Variants in PHF24 observed in about 807,000 individuals in gnomAD.
The protein encoded by PHF24 is Galpha inhibitory interacting protein.
PHF24 carries 25 observed loss-of-function variants against 42.6 expected under a neutral mutation model. That is an observed-to-expected ratio of 0.59 (90% CI 0.43 to 0.82). The LOEUF (loss-of-function observed/expected upper bound fraction) is 0.82. Among genes scored for constraint, PHF24 ranks in the 40% least tolerant of loss-of-function variants. The pLI is 0.00. For synonymous variants in PHF24, 185 were observed against 204.8 expected (o/e 0.90, Z 0.83); for missense variants, 470 against 538.1 (o/e 0.87, Z 1.25).
the PHF24 span, chr9:34,728,572 C>G: frequency 6.5e-7 from 1 of 1,544,824 alleles, no homozygotes; most frequent in Non-Finnish European, 8.8e-7. Context: ...GAAACACCCA[C>G]AGTGGAAGGG....
chr9:34,875,907 T>TACAC, the PHF24 span, among the ~76,000 whole-genome samples: 43 of 116,258 alleles, frequency 3.7e-4, 1 homozygote, highest in South Asian at 3.4e-3. Context: ...CTCTCTCTCT[T>TACAC]ACACACACAC....
chr9:34,699,100 C>T, the PHF24 span, among the ~76,000 whole-genome samples: 1 of 152,226 alleles, frequency 6.6e-6, no homozygotes, highest in Admixed American at 6.5e-5. Flanking sequence ...TGGATGTGCA[C>T]AGCAGCATTC....
At chr9:34,814,487 A>G in the PHF24 span, among the ~76,000 whole-genome samples, 3 of 152,188 alleles carry the variant, frequency 2.0e-5, no homozygotes, top group Non-Finnish European at 4.4e-5. Context: ...TGAGTCCCCA[A>G]AGTTCAGTGT....
chr9:34,875,950 A>ACACT, the PHF24 span, among the ~76,000 whole-genome samples: 6 of 78,684 alleles, frequency 7.6e-5, no homozygotes, highest in Admixed American at 5.9e-4. Context: ...ACACACACAC[A>ACACT]CTCTCTCTCT....
the PHF24 span, among the ~76,000 whole-genome samples, chr9:34,696,486 CAAA>C: frequency 0.013 from 1,208 of 92,520 alleles, 19 homozygotes; most frequent in African/African-American, 0.046. Flanking sequence ...GACTCCATCT[CAAA>C]AAAAAAAAAA....
At chr9:34,931,436 A>T in the PHF24 span, among the ~76,000 whole-genome samples, 1 of 150,336 alleles carries the variant, frequency 6.7e-6, no homozygotes, top group Admixed American at 6.7e-5. Context: ...GAAGGGTGGA[A>T]GGGGGTTGAG....
the PHF24 span, among the ~76,000 whole-genome samples, chr9:34,759,345 T>G: frequency 6.6e-6 from 1 of 152,216 alleles, no homozygotes; most frequent in African/African-American, 2.4e-5. Flanking sequence ...CACCTCATCA[T>G]GTTATTATAA....
At chr9:34,809,946 G>A in the PHF24 span, among the ~76,000 whole-genome samples, 37 of 121,742 alleles carry the variant, frequency 3.0e-4, no homozygotes, top group South Asian at 0.011. The surrounding 1 kb of genome is among the most constrained non-coding windows in gnomAD (Gnocchi z 4.1). Context: ...GGCGCGGGGC[G>A]GAACGCAGCG....
the PHF24 span, among the ~76,000 whole-genome samples, chr9:34,731,845 T>C: frequency 6.6e-6 from 1 of 152,114 alleles, no homozygotes; most frequent in Non-Finnish European, 1.5e-5. Flanking sequence ...AGTAGTTGTA[T>C]TTTTAGGTTT....
chr9:34,936,686 A>G, the PHF24 span, among the ~76,000 whole-genome samples: 27 of 128,056 alleles, frequency 2.1e-4, no homozygotes, highest in African/African-American at 8.0e-4. Context: ...CCGGCCACCC[A>G]TCGTCTGAGA....
chr9:34,762,067 G>A, the PHF24 span, among the ~76,000 whole-genome samples: 5 of 152,020 alleles, frequency 3.3e-5, no homozygotes, highest in African/African-American at 1.2e-4. Flanking sequence ...TGGTGTATAT[G>A]TGCCACATTT....
the PHF24 span, among the ~76,000 whole-genome samples, chr9:34,717,913 A>G: frequency 3.3e-5 from 5 of 152,200 alleles, no homozygotes; most frequent in East Asian, 9.7e-4. Flanking sequence ...ACTCTGAACT[A>G]GTTTCTGAGT....
At chr9:34,837,518 A>G in the PHF24 span, 3 of 640,108 alleles carry the variant, frequency 4.7e-6, no homozygotes, top group Non-Finnish European at 8.3e-6. Context: ...TTTCCCACCC[A>G]TGGAAGTTTC....
At chr9:34,773,529 G>A in the PHF24 span, among the ~76,000 whole-genome samples, 6 of 151,898 alleles carry the variant, frequency 4.0e-5, no homozygotes, top group Non-Finnish European at 5.9e-5. Context: ...AATAAACAAA[G>A]CAATGTTGGA....
the PHF24 span, chr9:34,833,012 C>T: frequency 4.5e-6 from 7 of 1,551,536 alleles, no homozygotes; most frequent in African/African-American, 4.1e-5. Context: ...GCTCCATCGC[C>T]AGGACCCTCG....
chr9:34,938,983 A>T, the PHF24 span, among the ~76,000 whole-genome samples: 1 of 151,066 alleles, frequency 6.6e-6, no homozygotes, highest in East Asian at 1.9e-4. Context: ...TTAAAAAAAA[A>T]TAATATAATA....
At chr9:34,690,815 G>A in the PHF24 span, among the ~76,000 whole-genome samples, 8 of 152,120 alleles carry the variant, frequency 5.3e-5, no homozygotes, top group Non-Finnish European at 1.2e-4. Flanking sequence ...CCTGGGAAAC[G>A]GAGGCAGCAG....
the PHF24 span, among the ~76,000 whole-genome samples, chr9:34,700,860 A>T: frequency 6.6e-6 from 1 of 152,158 alleles, no homozygotes; most frequent in Non-Finnish European, 1.5e-5. Context: ...ACCCACTATC[A>T]TGGCAAAAAG....
the PHF24 span, among the ~76,000 whole-genome samples, chr9:34,702,673 A>T: frequency 6.6e-6 from 1 of 152,170 alleles, no homozygotes; most frequent in Non-Finnish European, 1.5e-5. Context: ...GGCCTGGCAC[A>T]GTGGCTCTTG....
Sources: allele counts gnomAD v4.1 joint callset (sites outside exome capture counted in the v4.1 genomes callset), GRCh38; gene constraint gnomAD v4.1.1; non-coding constraint Gnocchi (gnomAD v3.1); transcripts MANE v1.5; gene names NCBI Gene and HGNC (gene_info 2026-07-23, HGNC 2026-07-21).